Variants in ZNF469 observed in about 807,000 individuals in gnomAD.
The protein encoded by ZNF469 is zinc finger protein 469.
A neutral mutation model predicts 1.0 loss-of-function variants in ZNF469; 1 was observed. The ratio of observed to expected loss-of-function variants is 1.00; its 90% CI spans 0.35 to 4.73. The LOEUF is 4.73. Ranked by LOEUF, ZNF469 falls within the 30% of genes most tolerant of loss-of-function variation. The pLI is 0.16. For missense variants in ZNF469, 6,100 were observed against 5,356.3 expected (o/e 1.14, Z -4.33); for synonymous variants, 2,703 against 2,363.4 (o/e 1.14, Z -4.17).
chr16:88,116,764 G>A, the ZNF469 span, among the ~76,000 whole-genome samples: 14 of 152,254 alleles, frequency 9.2e-5, no homozygotes, highest in Non-Finnish European at 1.5e-4. Context: ...TGGAACTGGC[G>A]TCATCAAACC....
the ZNF469 span, among the ~76,000 whole-genome samples, chr16:88,233,426 C>G: frequency 1.6e-4 from 24 of 152,246 alleles, no homozygotes; most frequent in Admixed American, 1.6e-3. Flanking sequence ...TGCCGTCTTC[C>G]TGGCCTGGGC....
chr16:88,303,220 A>G, the ZNF469 span, among the ~76,000 whole-genome samples: 1 of 152,248 alleles, frequency 6.6e-6, no homozygotes, highest in Non-Finnish European at 1.5e-5. Context: ...TGTACCCTCC[A>G]GCATGCAGCC....
chr16:88,247,265 AAGAG>A, the ZNF469 span, among the ~76,000 whole-genome samples: 34 of 150,898 alleles, frequency 2.3e-4, no homozygotes, highest in Admixed American at 5.9e-4. Context: ...GAACAAGTGA[AAGAG>A]TGAGTGAGTA....
chr16:88,357,944 G>A, the ZNF469 span, among the ~76,000 whole-genome samples: 1 of 152,250 alleles, frequency 6.6e-6, no homozygotes, highest in Non-Finnish European at 1.5e-5. Context: ...CACACCCGCA[G>A]TACAGATGCC....
chr16:88,248,612 G>T, the ZNF469 span, among the ~76,000 whole-genome samples: 17 of 152,236 alleles, frequency 1.1e-4, no homozygotes, highest in African/African-American at 4.1e-4. Flanking sequence ...AGTACCATGA[G>T]AGAGGAAGAT....
At chr16:88,375,566 C>T in the ZNF469 span, among the ~76,000 whole-genome samples, 1 of 152,268 alleles carries the variant, frequency 6.6e-6, no homozygotes, top group Non-Finnish European at 1.5e-5. Flanking sequence ...TACACCCAGA[C>T]ATCGCCCCTG....
chr16:88,393,832 C>A (rs1904564585), intron 1 of ZNF469, among the ~76,000 whole-genome samples: 1 of 152,188 alleles, frequency 6.6e-6, no homozygotes, highest in Non-Finnish European at 1.5e-5. Context: ...CGGACGCTGC[C>A]CCACCGGTCT....
the ZNF469 span, among the ~76,000 whole-genome samples, chr16:88,263,839 C>T: frequency 1.3e-5 from 2 of 152,126 alleles, no homozygotes; most frequent in African/African-American, 2.4e-5. Context: ...CCCCCACCTC[C>T]GAGACTGATG....
intron 1 of ZNF469, among the ~76,000 whole-genome samples, chr16:88,422,861 A>T (rs1156444155): frequency 1.5e-5 from 2 of 131,698 alleles, no homozygotes; most frequent in African/African-American, 5.9e-5. Context: ...ATGGATGATG[A>T]TGATGGATGA....
chr16:88,279,245 G>A, the ZNF469 span, among the ~76,000 whole-genome samples: 1 of 147,292 alleles, frequency 6.8e-6, no homozygotes, highest in African/African-American at 2.5e-5. Flanking sequence ...GGTTAGTGCT[G>A]TGCCACGCCG....
At chr16:88,131,752 ACT>A in the ZNF469 span, among the ~76,000 whole-genome samples, 11 of 152,128 alleles carry the variant, frequency 7.2e-5, no homozygotes, top group South Asian at 1.0e-3. Context: ...TTTGGTGGAC[ACT>A]CTGTCCAGGG....
chr16:88,264,278 C>T, the ZNF469 span, among the ~76,000 whole-genome samples: 4 of 152,026 alleles, frequency 2.6e-5, no homozygotes, highest in African/African-American at 7.3e-5. Context: ...GTGGCTCCTG[C>T]CCTGCCCTAG....
chr16:88,340,875 G>A, the ZNF469 span, among the ~76,000 whole-genome samples: 2 of 152,114 alleles, frequency 1.3e-5, no homozygotes, highest in Non-Finnish European at 2.9e-5. Flanking sequence ...TTGGGATGAG[G>A]ACCTGCTAGG....
At chr16:88,332,545 T>C in the ZNF469 span, among the ~76,000 whole-genome samples, 14 of 152,378 alleles carry the variant, frequency 9.2e-5, no homozygotes, top group South Asian at 2.5e-3. Flanking sequence ...GAATCTGACT[T>C]GCAGGTTTGG....
chr16:88,127,979 C>G, the ZNF469 span, among the ~76,000 whole-genome samples: 1 of 152,210 alleles, frequency 6.6e-6, no homozygotes, highest in Non-Finnish European at 1.5e-5. Flanking sequence ...CGAGGCTTGC[C>G]TGTGCCGGCG....
the ZNF469 span, among the ~76,000 whole-genome samples, chr16:88,172,783 C>A: frequency 2.6e-5 from 4 of 151,912 alleles, no homozygotes; most frequent in Non-Finnish European, 5.9e-5. Context: ...AGGTCACAAG[C>A]GAAACTTTTA....
chr16:88,396,319 C>A (rs1269811732), intron 1 of ZNF469, among the ~76,000 whole-genome samples: 1 of 152,240 alleles, frequency 6.6e-6, no homozygotes, highest in Non-Finnish European at 1.5e-5. Flanking sequence ...CACATCAGCT[C>A]CAAACTCAAG....
upstream of ZNF469, among the ~76,000 whole-genome samples, chr16:88,381,799 G>T (rs1021600843): frequency 2.0e-5 from 3 of 152,254 alleles, no homozygotes; most frequent in African/African-American, 7.2e-5. Flanking sequence ...GCCATGTGCA[G>T]TTCCTTTTAG....
chr16:88,221,149 C>A, the ZNF469 span, among the ~76,000 whole-genome samples: 2 of 152,202 alleles, frequency 1.3e-5, no homozygotes, highest in Non-Finnish European at 2.9e-5. Context: ...AGGCCTGGAC[C>A]CGCTGGCACG....
Sources: gnomAD v4.1 joint callset for allele counts (sites outside exome capture counted in the v4.1 genomes callset) on GRCh38, gnomAD v4.1.1 for gene constraint, MANE v1.5 for transcripts, NCBI Gene and HGNC (gene_info 2026-07-23, HGNC 2026-07-21) for gene names.